SPATA31H1: variants seen among roughly 807,000 people sequenced by gnomAD.
SPATA31H1 encodes spermatogenesis-associated protein 31H1.
At chr2:27,576,876 G>A in the SPATA31H1 span, 3 of 1,614,110 alleles carry the variant, frequency 1.9e-6, no homozygotes, top group South Asian at 1.1e-5. Flanking sequence ...GCCTCAAAGA[G>A]TGAAATATGG....
At chr2:27,572,858 G>A in the SPATA31H1 span, 21 of 397,684 alleles carry the variant, frequency 5.3e-5, no homozygotes, top group East Asian at 7.1e-4. Context: ...TTAACCTTGG[G>A]TCACAGTTGC....
the SPATA31H1 span, among the ~76,000 whole-genome samples, chr2:27,538,591 G>A: frequency 6.6e-6 from 1 of 152,012 alleles, no homozygotes; most frequent in Non-Finnish European, 1.5e-5. Context: ...CAGCACTTTG[G>A]GAGGCAGAGG....
the SPATA31H1 span, among the ~76,000 whole-genome samples, chr2:27,561,277 A>G: frequency 6.6e-6 from 1 of 152,190 alleles, no homozygotes; most frequent in African/African-American, 2.4e-5. Flanking sequence ...GGTTGCCATG[A>G]ACTTTGAGCT....
At chr2:27,579,106 G>A in the SPATA31H1 span, 1 of 1,614,176 alleles carries the variant, frequency 6.2e-7, no homozygotes, top group Non-Finnish European at 8.5e-7. Flanking sequence ...CTACCACAAA[G>A]CTGGAGATCA....
At chr2:27,540,514 G>A in the SPATA31H1 span, among the ~76,000 whole-genome samples, 238 of 126,938 alleles carry the variant, frequency 1.9e-3, no homozygotes, top group African/African-American at 7.6e-3. Flanking sequence ...GCGGCTGGCC[G>A]GGCGGGGGGC....
the SPATA31H1 span, among the ~76,000 whole-genome samples, chr2:27,548,082 C>A: frequency 6.7e-6 from 1 of 148,328 alleles, no homozygotes; most frequent in Non-Finnish European, 1.5e-5. Context: ...CCTGGGTTCA[C>A]GCCATTCTCC....
the SPATA31H1 span, chr2:27,579,809 C>G: frequency 1.2e-6 from 2 of 1,614,228 alleles, no homozygotes. Context: ...AGACTGACTT[C>G]TCAGAACAGT....
At chr2:27,553,814 C>T in the SPATA31H1 span, among the ~76,000 whole-genome samples, 10 of 151,712 alleles carry the variant, frequency 6.6e-5, no homozygotes, top group South Asian at 1.0e-3. Context: ...CCCAGCTACT[C>T]GGGAGGCTGA....
chr2:27,576,733 A>C, the SPATA31H1 span: 2 of 1,614,086 alleles, frequency 1.2e-6, no homozygotes, highest in Non-Finnish European at 1.7e-6. Flanking sequence ...TTGTCTCCAG[A>C]ATCACAGCAA....
the SPATA31H1 span, chr2:27,580,717 A>T: frequency 1.9e-6 from 3 of 1,614,104 alleles, no homozygotes; most frequent in Non-Finnish European, 2.5e-6. Flanking sequence ...ACAAGGCCAG[A>T]CAATTTGTGG....
chr2:27,553,644 G>A, the SPATA31H1 span, among the ~76,000 whole-genome samples: 53 of 152,154 alleles, frequency 3.5e-4, no homozygotes, highest in East Asian at 7.1e-3. Flanking sequence ...TTAGCTGGCC[G>A]GGCATGGTGG....
the SPATA31H1 span, chr2:27,578,595 A>G: frequency 1.2e-6 from 2 of 1,613,970 alleles, no homozygotes; most frequent in South Asian, 2.2e-5. Flanking sequence ...GGAACATACA[A>G]TATTGACTCA....
At chr2:27,548,325 C>T in the SPATA31H1 span, among the ~76,000 whole-genome samples, 181 of 151,804 alleles carry the variant, frequency 1.2e-3, no homozygotes, top group Non-Finnish European at 1.9e-3. Flanking sequence ...CTCCAATTAT[C>T]GCCTGGGTGC....
At chr2:27,577,179 G>A in the SPATA31H1 span, 1 of 1,613,836 alleles carries the variant, frequency 6.2e-7, no homozygotes, top group South Asian at 1.1e-5. This position sits in a 1 kb window ranked among gnomAD's most constrained non-coding sequence, Gnocchi z 4.5. Context: ...AGATCTTCAG[G>A]TACCAAAATT....
chr2:27,551,437 C>G, the SPATA31H1 span, among the ~76,000 whole-genome samples: 2 of 151,932 alleles, frequency 1.3e-5, no homozygotes, highest in African/African-American at 4.8e-5. Flanking sequence ...GCACCTGGGA[C>G]AAAACCAGAT....
the SPATA31H1 span, chr2:27,565,304 C>T: frequency 4.2e-6 from 3 of 715,346 alleles, no homozygotes; most frequent in African/African-American, 5.2e-5. Context: ...AGAACATAAT[C>T]TGATTTTCTT....
At chr2:27,580,477 A>G in the SPATA31H1 span, 5 of 1,614,082 alleles carry the variant, frequency 3.1e-6, no homozygotes, top group African/African-American at 6.7e-5. Flanking sequence ...AAACACAGAA[A>G]GTTCTACACA....
chr2:27,553,338 C>T, the SPATA31H1 span, among the ~76,000 whole-genome samples: 1 of 152,034 alleles, frequency 6.6e-6, no homozygotes, highest in Non-Finnish European at 1.5e-5. Context: ...AGCCTTCTCT[C>T]ATTCCCTCCC....
chr2:27,576,770 T>C, the SPATA31H1 span: 17 of 1,614,034 alleles, frequency 1.1e-5, no homozygotes, highest in South Asian at 5.5e-5. Context: ...TGGAGTTTAC[T>C]GTAGAGCCAA....
Sources: allele counts gnomAD v4.1 joint callset (sites outside exome capture counted in the v4.1 genomes callset), GRCh38; gene constraint gnomAD v4.1.1; non-coding constraint Gnocchi (gnomAD v3.1); transcripts MANE v1.5; gene names NCBI Gene and HGNC (gene_info 2026-07-23, HGNC 2026-07-21).